The following CMSS1 variants were observed in gnomAD, a reference collection of about 807,000 sequenced individuals.
The protein encoded by CMSS1 is protein CMSS1.
Under a neutral mutation model 43.5 loss-of-function variants are expected in CMSS1, and 33 were observed. That is an observed-to-expected ratio of 0.76 (90% CI 0.57 to 1.01). The LOEUF (loss-of-function observed/expected upper bound fraction) is 1.01. CMSS1 is among the 50% of genes least tolerant of loss of function. The pLI, the probability that CMSS1 is intolerant of heterozygous loss-of-function variation, is 0.00. For synonymous variants in CMSS1, 115 were observed against 117.2 expected (o/e 0.98, Z 0.12); for missense variants, 313 against 326.4 (o/e 0.96, Z 0.32).
chr3:100,133,050 G>A (rs886219784), intron 1 of CMSS1, among the ~76,000 whole-genome samples: 2 of 151,934 alleles, frequency 1.3e-5, no homozygotes, highest in Non-Finnish European at 2.9e-5. Context: ...TTAAAAACAT[G>A]TATACCTTTT....
At chr3:99,835,384 A>G (rs1559649569) in intron 1 of CMSS1, among the ~76,000 whole-genome samples, 2 of 152,196 alleles carry the variant, frequency 1.3e-5, no homozygotes, top group South Asian at 2.1e-4. Context: ...CTTTTAGATC[A>G]CCTGTAAAGT....
intron 1 of CMSS1, among the ~76,000 whole-genome samples, chr3:100,091,735 A>G (rs972061856): frequency 5.9e-5 from 9 of 152,240 alleles, no homozygotes; most frequent in African/African-American, 2.2e-4. Flanking sequence ...ATTTTCTACC[A>G]GTATCATTAG....
At chr3:99,941,201 A>T (rs1707840531) in intron 1 of CMSS1, among the ~76,000 whole-genome samples, 2 of 151,580 alleles carry the variant, frequency 1.3e-5, no homozygotes, top group South Asian at 4.2e-4. Flanking sequence ...TTTTTTTTTT[A>T]GACACACGGA....
At chr3:100,017,475 C>T (rs2107217271) in intron 1 of CMSS1, among the ~76,000 whole-genome samples, 1 of 152,356 alleles carries the variant, frequency 6.6e-6, no homozygotes, top group South Asian at 2.1e-4. Flanking sequence ...TTTATATACT[C>T]AGATATACCT....
chr3:100,138,358 A>G (rs1309696819), intron 1 of CMSS1, among the ~76,000 whole-genome samples: 1 of 152,228 alleles, frequency 6.6e-6, no homozygotes, highest in Non-Finnish European at 1.5e-5. Context: ...TAATTAAACT[A>G]AAGAGCTTCT....
At chr3:99,985,844 C>G (rs150112575) in intron 1 of CMSS1, among the ~76,000 whole-genome samples, 1,785 of 152,294 alleles carry the variant, frequency 0.012, 23 homozygotes, top group African/African-American at 0.026. Flanking sequence ...CCACCTCGGC[C>G]TCCCAAAGTA....
At chr3:99,974,427 G>A (rs1708909153) in intron 1 of CMSS1, among the ~76,000 whole-genome samples, 1 of 152,098 alleles carries the variant, frequency 6.6e-6, no homozygotes, top group South Asian at 2.1e-4. Flanking sequence ...CTCATTATTT[G>A]GGCTGGGCGC....
At chr3:100,172,450 C>A (rs1477270388) in intron 8 of CMSS1, 47 bp downstream of exon 8, 1 of 1,419,068 alleles carries the variant, frequency 7.0e-7, no homozygotes, top group Non-Finnish European at 9.9e-7. Context: ...TGGGAGTTTG[C>A]CTTACCTACA....
chr3:100,179,218 A>G lies in CMSS1; in HGVS notation c.*830A>G, dbSNP rs547071128. On this transcript the variant is annotated 3_prime_UTR_variant, in exon 10 of 10. Transcript: ENST00000421999. ...TCGGGTGGAGACACAGAGCCAAACC[A>G]TGTCAATTCCACCCCGGCCTCTTCC... 2 of 152,332 alleles carry G rather than the reference A, an allele frequency of 1.3e-5. No homozygotes were observed. Among genetic ancestry groups the G allele is most frequent in the South Asian group, 4.1e-4 (2 of 4,830 alleles). 9.4% of individuals were successfully genotyped at this position (152,332 alleles called of 1,614,324 possible).
At chr3:100,130,511 G>A (rs1444918202) in intron 1 of CMSS1, among the ~76,000 whole-genome samples, 1 of 152,164 alleles carries the variant, frequency 6.6e-6, no homozygotes, top group Non-Finnish European at 1.5e-5. Flanking sequence ...GAACATACAA[G>A]GATGAAAGGA....
chr3:99,983,689 CA>C (rs533900254), intron 1 of CMSS1, among the ~76,000 whole-genome samples: 1,906 of 89,862 alleles, frequency 0.021, 40 homozygotes, highest in African/African-American at 0.067. Context: ...GACTCAGTCT[CA>C]AAAAAAAAAA....
At position 99,918,869 on chromosome 3, in the gene CMSS1, G is replaced by C. The variant is rs897218883; in HGVS notation, c.64+100826G>C. On this transcript the variant is annotated intron_variant, in intron 1 of 9. Transcript: ENST00000421999. The stretch of plus-strand genomic sequence containing the variant: ...CAAAGAACTAGATGCCCATGACAAA[G>C]GTCAAATGGAGATCTGGCATCCATT... 3.9e-5 allele frequency among the ~76,000 whole-genome samples: 6 copies of C among 152,254 alleles called. No homozygotes were observed. The East Asian group carries it at 1.2e-3, about 29-fold the overall frequency.
At chr3:99,927,448 C>T (rs766546717) in intron 1 of CMSS1, among the ~76,000 whole-genome samples, 3 of 151,492 alleles carry the variant, frequency 2.0e-5, no homozygotes, top group Non-Finnish European at 2.9e-5. Flanking sequence ...CAGCTCATCG[C>T]GATCTCCGCC....
intron 1 of CMSS1, among the ~76,000 whole-genome samples, chr3:100,122,520 C>T (rs2066630738): frequency 6.6e-6 from 1 of 152,190 alleles, no homozygotes; most frequent in African/African-American, 2.4e-5. Flanking sequence ...CAATAGCTCC[C>T]CAGGAATACA....
intron 1 of CMSS1, among the ~76,000 whole-genome samples, chr3:99,920,667 C>A (rs1332224015): frequency 6.6e-6 from 1 of 152,220 alleles, no homozygotes; most frequent in Non-Finnish European, 1.5e-5. Flanking sequence ...CTGCCCCCAC[C>A]CACCCTCAGT....
chr3:99,951,279 C>T (rs915519519), intron 1 of CMSS1, among the ~76,000 whole-genome samples: 3 of 152,174 alleles, frequency 2.0e-5, no homozygotes, highest in African/African-American at 4.8e-5. Context: ...CCTCCTTCTT[C>T]TACCAGTAAT....
At chr3:99,992,025 T>C (rs1388468358) in intron 1 of CMSS1, among the ~76,000 whole-genome samples, 9 of 150,702 alleles carry the variant, frequency 6.0e-5, no homozygotes, top group Non-Finnish European at 4.4e-5. Flanking sequence ...TATATATATA[T>C]ACGTGTATAT....
intron 1 of CMSS1, among the ~76,000 whole-genome samples, chr3:100,091,833 G>A (rs563279289): frequency 6.6e-6 from 1 of 152,302 alleles, no homozygotes; most frequent in South Asian, 2.1e-4. Flanking sequence ...GTGATTCACA[G>A]GTACATTGTT....
At chr3:99,912,251 T>C (rs1706813555) in intron 1 of CMSS1, among the ~76,000 whole-genome samples, 1 of 152,206 alleles carries the variant, frequency 6.6e-6, no homozygotes, top group South Asian at 2.1e-4. Flanking sequence ...GACAAATAGC[T>C]ACATCTTGTA....
Sources: gnomAD v4.1 joint callset for allele counts (sites outside exome capture counted in the v4.1 genomes callset) on GRCh38, gnomAD v4.1.1 for gene constraint, MANE v1.5 for transcripts, NCBI Gene and HGNC (gene_info 2026-07-23, HGNC 2026-07-21) for gene names.